SPTA1: variants seen among roughly 807,000 people sequenced by gnomAD.
SPTA1 encodes the protein spectrin alpha chain, erythrocytic 1.
A neutral mutation model predicts 324.7 loss-of-function variants in SPTA1; 177 were observed. The ratio of observed to expected loss-of-function variants is 0.55; its 90% confidence interval spans 0.48 to 0.62. The LOEUF (loss-of-function observed/expected upper bound fraction) is 0.62, where lower values mean the gene tolerates loss of function less well. SPTA1 is among the 20% of genes least tolerant of loss of function. The pLI is 0.00. For synonymous variants in SPTA1, 1,195 were observed against 1,041.3 expected, an observed-to-expected ratio of 1.15 and a Z score of -2.84; for missense variants, 3,162 against 2,883.6, an observed-to-expected ratio of 1.10 and a Z score of -2.21.
At chr1:158,620,510 C>G (rs374333487) in intron 43 of SPTA1, 44 bp from the exon 44 acceptor site, 2 of 1,609,942 alleles carry the variant, frequency 1.2e-6, no homozygotes, top group Non-Finnish European at 8.5e-7. Context: ...CCTGATAAAG[C>G]CTCTCAGCAG....
At chr1:158,637,355 T>C (rs1050730633) in intron 36 of SPTA1, among the ~76,000 whole-genome samples, 3 of 152,236 alleles carry the variant, frequency 2.0e-5, no homozygotes, top group Admixed American at 6.5e-5. Context: ...CTCTAATTTA[T>C]TGATTACTCA....
chr1:158,627,803 A>G, intron 39 of SPTA1, 80 bp from the exon 40 acceptor site: 2 of 1,359,044 alleles, frequency 1.5e-6, no homozygotes, highest in Admixed American at 1.7e-5. Flanking sequence ...TCACGGGTCT[A>G]TTATTCCCTA....
In SPTA1 at chr1:158,613,832, T is replaced by C; in HGVS notation, c.6878A>G (p.His2293Arg). Reference protein sequence around the residue: ...FDENLTGRLTHKEFRSCLRGL... With the variant: ...FDENLTGRLTRKEFRSCLRGL... ...TCTCAGGCAGGACCGGAACTCTTTG[T>C]GAGTCAGGCGCCCTGTCAAATTCTC... The change falls in exon 50 of 52, where the codon CAC becomes CGC. Residue 2293 changes from histidine to arginine, a missense_variant. By Grantham distance (29) the His-to-Arg change is conservative. Coordinates refer to ENST00000643759, the MANE Select transcript of SPTA1 (RefSeq NM_003126.4). The C allele has an allele frequency of 6.2e-7, 1 of 1,613,854 alleles. No individual in the cohort carries two copies.
chr1:158,661,398 T>A lies in SPTA1; in HGVS notation c.2476A>T (p.Ile826Phe). ...ATSTYLGKDL[I>F]ASKKLLNRHR... ...CTATTCAGAAGCTTTTTGGAAGCAA[T>A]CAGGTCCTTTCCTGCAGAGGAAAGG... Residue 826 changes from isoleucine to phenylalanine, a missense_variant, in exon 18 of 52, where the codon ATT becomes TTT. Coordinates refer to ENST00000643759, the MANE Select transcript of SPTA1 (RefSeq NM_003126.4). 6.2e-7 allele frequency: 1 copy of A among 1,613,870 alleles called. No individual in the cohort carries two copies.
chr1:158,657,377 G>T, intron 19 of SPTA1, 100 bp downstream of exon 19: 2 of 1,243,160 alleles, frequency 1.6e-6, no homozygotes, highest in Non-Finnish European at 2.4e-6. Context: ...CAAATAATCT[G>T]GCAGAATCTG....
chr1:158,681,396 T>C, intron 4 of SPTA1, 131 bp downstream of exon 4: 1 of 1,468,322 alleles, frequency 6.8e-7, no homozygotes, highest in Admixed American at 1.7e-5. Context: ...CCCAATTTCC[T>C]CTTGTTCCAA....
Position 158,619,346 on chromosome 1 carries a change from AAT to A in SPTA1, c.6418-14_6418-13del. ...TCCTGCTCCCGTTCCTAAAACCCCA[AAT>A]CACAGACAACGTGACTGACATCGAA... On this transcript the variant is annotated splice_polypyrimidine_tract_variant and intron_variant, in intron 44 of 51. Transcript: ENST00000643759. 2 of 1,613,666 alleles carry A rather than the reference AAT, an allele frequency of 1.2e-6. No homozygotes were observed. The highest frequency in any genetic ancestry group is 1.7e-6 in the Non-Finnish European group (2 of 1,179,574).
At chr1:158,668,173 A>G in intron 14 of SPTA1, 111 bp from the exon 15 acceptor site, 1 of 1,188,516 alleles carries the variant, frequency 8.4e-7, no homozygotes, top group Non-Finnish European at 1.2e-6. Flanking sequence ...GATGCTAACA[A>G]GAAGATAAAA....
At chr1:158,628,016 C>T (rs1418412891) in intron 39 of SPTA1, among the ~76,000 whole-genome samples, 1 of 151,966 alleles carries the variant, frequency 6.6e-6, no homozygotes, top group African/African-American at 2.4e-5. Flanking sequence ...TGACTGGGGT[C>T]GTATATAAAG....
In SPTA1 at chr1:158,651,255, C is replaced by G. The variant is rs994643054; in HGVS notation, c.3477+112G>C. 3 of 780,614 alleles carry G rather than the reference C, an allele frequency of 3.8e-6. No homozygotes were observed. In the Admixed American group the frequency reaches 5.2e-5, roughly 14 times the overall value. 48.4% of individuals were successfully genotyped at this position (780,614 alleles called of 1,614,324 possible). The stretch of plus-strand genomic sequence containing the variant: ...TGTAGCTAATTCCATACTGCTGTTA[C>G]CTTCTGCATGTTCTAGTGGGTCTGC... On this transcript the variant is annotated intron_variant, in intron 24 of 51. Transcript: ENST00000643759.
At chr1:158,619,733 T>C (rs572226920) in intron 44 of SPTA1, among the ~76,000 whole-genome samples, 3 of 152,226 alleles carry the variant, frequency 2.0e-5, no homozygotes, top group Admixed American at 1.3e-4. Context: ...TCTATTACAC[T>C]TTTTATGTTT....
intron 27 of SPTA1, among the ~76,000 whole-genome samples, chr1:158,645,998 G>T (rs561163767): frequency 1.3e-5 from 2 of 152,262 alleles, no homozygotes; most frequent in East Asian, 3.9e-4. Context: ...GTTGGTTACT[G>T]TTCCTTTTAA....
At position 158,626,797 on chromosome 1, in the gene SPTA1, G is replaced by C; in HGVS notation, c.5833+42C>G. ...TCTACACATGGATGGGATTTATTAG[G>C]GTTTCTCAAACCCAAGGGACCCTGA... On this transcript the variant is annotated intron_variant, in intron 41 of 51. Transcript: ENST00000643759. 3.1e-6 allele frequency: 5 copies of C among 1,611,798 alleles called. No individual in the cohort carries two copies. In the East Asian group the frequency reaches 1.1e-4, roughly 36 times the overall value.
rs150850958 is a variant in SPTA1 at position 158,620,647 on chromosome 1, C to T, written c.6121-181G>A. 5.1e-4 allele frequency: 337 copies of T among 664,468 alleles called. 1 individual carries two copies. In the African/African-American group the frequency reaches 5.1e-3, roughly 10 times the overall value. 41.2% of individuals were successfully genotyped at this position (664,468 alleles called of 1,614,324 possible). On this transcript the variant is annotated intron_variant, in intron 43 of 51. Transcript: ENST00000643759. ...TGGTTGAACATGTGAGTTAGCGGTA[C>T]GAGCCCTGGTTCTGGCATTTTCTCA... is the stretch of plus-strand genomic sequence containing the variant.
intron 16 of SPTA1, among the ~76,000 whole-genome samples, chr1:158,664,588 G>T (rs371658134): frequency 1.3e-5 from 2 of 152,156 alleles, no homozygotes; most frequent in African/African-American, 4.8e-5. Context: ...GATAGGTGCA[G>T]CAAACCACCA....
chr1:158,617,512 CAG>C (rs1195047294), intron 47 of SPTA1, 23 bp downstream of exon 47: 4 of 1,603,694 alleles, frequency 2.5e-6, no homozygotes, highest in Non-Finnish European at 3.4e-6. Flanking sequence ...GCAATATCTT[CAG>C]TTAATGAAAA....
In SPTA1 at chr1:158,666,337, C is replaced by A. The variant is rs1315051659; in HGVS notation, c.2199G>T (p.Glu733Asp). The stretch of plus-strand genomic sequence containing the variant: ...AAACCTGACGAGCAGCCACAGCCGA[C>A]TCCAGGAGGCCGTGTTTCCTGAGTC... ...QNRLRKHGLL[E>D]SAVAARQDQV... is the part of the protein sequence containing the mutation. Residue 733 changes from glutamate (E) to aspartate (D), a missense_variant, in exon 16 of 52, where the codon GAG becomes GAT. Glu to Asp is a conservative substitution (Grantham distance 45, BLOSUM62 2). Coordinates refer to ENST00000643759, the MANE Select transcript of SPTA1 (RefSeq NM_003126.4). 5 of 1,613,876 alleles carry A rather than the reference C, an allele frequency of 3.1e-6. No homozygotes were observed. The highest frequency in any genetic ancestry group is 3.4e-6 in the Non-Finnish European group (4 of 1,179,980).
chr1:158,654,551 T>C (rs1652688118), intron 21 of SPTA1, 60 bp downstream of exon 21: 1 of 1,608,156 alleles, frequency 6.2e-7, no homozygotes, highest in Non-Finnish European at 8.5e-7. Context: ...TCTGGCAGGA[T>C]TGGGAGAGAT....
In SPTA1 at chr1:158,675,957, G is replaced by T. The variant is rs1460521519; in HGVS notation, c.1112+184C>A. On this transcript the variant is annotated intron_variant, in intron 8 of 51. Transcript: ENST00000643759. ...GGTAACTGAAACCACAGATAAGGGGGTGCTACTATATTATATCAGTCACAA... is the reference window on the plus strand; with the variant it reads ...GGTAACTGAAACCACAGATAAGGGGTTGCTACTATATTATATCAGTCACAA... Among the ~76,000 whole-genome samples the T allele has an allele frequency of 2.6e-5, 4 of 152,116 alleles. No homozygotes were observed. The East Asian group carries it at 5.8e-4, about 22-fold the overall frequency.
Sources: allele counts gnomAD v4.1 joint callset (sites outside exome capture counted in the v4.1 genomes callset), GRCh38; gene constraint gnomAD v4.1.1; transcripts MANE v1.5; gene names NCBI Gene and HGNC (gene_info 2026-07-23, HGNC 2026-07-21).